NCL: variants seen among roughly 807,000 people sequenced by gnomAD.
NCL encodes nucleolin multifunctional protein.
In NCL, 4 loss-of-function variants were observed where a neutral mutation model predicts 77.7. That is an observed-to-expected ratio of 0.05 (90% CI 0.03 to 0.12). NCL has a LOEUF of 0.12. NCL is among the 10% of genes least tolerant of loss of function. The pLI is 1.00. For synonymous variants in NCL, 344 were observed against 297.8 expected (o/e 1.16, Z -1.60); for missense variants, 763 against 860.9 (o/e 0.89, Z 1.42).
At chr2:231,458,866 C>T in intron 7 of NCL, 135 bp downstream of exon 7, 2 of 970,570 alleles carry the variant, frequency 2.1e-6, no homozygotes. Flanking sequence ...CATTTAATTC[C>T]CACATTAAGA....
At position 231,460,518 on chromosome 2, in the gene NCL, T is replaced by C; in HGVS notation, c.858A>G (p.Lys286=). 3.7e-6 allele frequency: 6 copies of C among 1,614,240 alleles called. No individual in the cohort carries two copies. Among genetic ancestry groups the C allele is most frequent in the Non-Finnish European group, 5.1e-6 (6 of 1,180,044 alleles). Residue 286 remains lysine, a synonymous_variant, in exon 5 of 14, where the codon AAA becomes AAG. Transcript: ENST00000322723. ...APGKRKKEMA[K]QKAAPEAKKQ... ...TCTTGGCTTCAGGAGCTGCTTTCTG[T>C]TTGGCCATTTCCTTCTTTCGTTTTC... is the stretch of plus-strand genomic sequence containing the variant.
rs762682251 is a variant in NCL, at chr2:231,460,709, ATCATCATCT to A, written c.762_770del (p.Glu254_Asp256del). 17 of 1,608,046 alleles carry A rather than the reference ATCATCATCT, an allele frequency of 1.1e-5. No individual in the cohort carries two copies. The highest frequency in any genetic ancestry group is 4.5e-5 in the East Asian group (2 of 44,852). Reference sequence around the variant, plus strand: ...CTTCCTCCTCCTCATCATCTTCATCATCATCATCTTCATCATCTTCGTCGTCGTCGTCAT... The same window carrying A: ...CTTCCTCCTCCTCATCATCTTCATCATCATCATCTTCGTCGTCGTCGTCAT... On this transcript the variant is annotated inframe_deletion, in exon 4 of 14. Coordinates refer to ENST00000322723, the MANE Select transcript of NCL (RefSeq NM_005381.3).
chr2:231,460,385 T>C, intron 5 of NCL, 92 bp from the exon 6 acceptor site: 2 of 1,592,258 alleles, frequency 1.3e-6, no homozygotes, highest in Middle Eastern at 1.7e-4. Flanking sequence ...ATCAGCACAC[T>C]ACAATGTAAC....
rs1219765152 is a variant in NCL at position 231,457,223 on chromosome 2, G to A, written c.1448-99C>T. On this transcript the variant is annotated intron_variant, in intron 9 of 13. Transcript: ENST00000322723. The stretch of plus-strand genomic sequence containing the variant: ...TATTCCTAAGAATTTCAGTGCTTGA[G>A]TTAATATACAAATACTCATGACGTA... The A allele has an allele frequency of 4.0e-6, 6 of 1,503,172 alleles. No individual in the cohort carries two copies. In the African/African-American group the frequency reaches 4.1e-5, roughly 10 times the overall value. The allele number at this position is 1,503,172 out of a possible 1,614,324, so 93.1% of individuals were successfully genotyped here.
rs543681893 is a variant in NCL at position 231,462,249 on chromosome 2, T to C, written c.136-232A>G. ...TCTTTTGAACACTTAAAAATACCTC[T>C]GAACCAGACCCTCTGAATTCTTACA... On this transcript the variant is annotated intron_variant, in intron 2 of 13. Coordinates refer to ENST00000322723, the MANE Select transcript of NCL (RefSeq NM_005381.3). Among the ~76,000 whole-genome samples, 3 of 152,358 alleles carry C rather than the reference T, an allele frequency of 2.0e-5. No individual in the cohort carries two copies. In the South Asian group the frequency reaches 6.2e-4, roughly 32 times the overall value.
At chr2:231,463,970 C>T (rs10202701) in intron 1 of NCL, 185,276 of 372,888 alleles carry the variant, frequency 0.5, 47,647 homozygotes, top group Non-Finnish European at 0.54. Flanking sequence ...TTCCAGGACC[C>T]ACGCGGCGCG....
chr2:231,460,958 A>G (rs1276488356), intron 3 of NCL, 92 bp from the exon 4 acceptor site: 1 of 1,050,482 alleles, frequency 9.5e-7, no homozygotes, highest in Non-Finnish European at 1.5e-6. Flanking sequence ...TCCTGTCACC[A>G]TGTTTAGTTA....
rs1181923823 is a variant in NCL at position 231,455,531 on chromosome 2, C to T, written c.1926G>A (p.Leu642=). ...CTTCACCCTTAGGTTTGGCCCAGTCCAAGGTAACTTTATTTCCATCAATTT... is the reference window on the plus strand; with the variant it reads ...CTTCACCCTTAGGTTTGGCCCAGTCTAAGGTAACTTTATTTCCATCAATTT... The part of the protein sequence containing the change: ...DGEIDGNKVT[L]DWAKPKGEGG... The change falls in exon 13 of 14, where the codon TTG becomes TTA. Residue 642 remains leucine (L), a synonymous_variant. Transcript: ENST00000322723. The T allele has an allele frequency of 1.2e-6, 2 of 1,614,098 alleles. No homozygotes were observed. The highest frequency in any genetic ancestry group is 1.7e-6 in the Non-Finnish European group (2 of 1,180,054).
intron 10 of NCL, 38 bp downstream of exon 10, chr2:231,456,963 T>G: frequency 6.2e-7 from 1 of 1,608,964 alleles, no homozygotes. Context: ...CTAAGACATA[T>G]ATAGCCTATA....
chr2:231,463,166 T>C (rs2046968174), intron 2 of NCL, 34 bp downstream of exon 2: 1 of 1,453,850 alleles, frequency 6.9e-7, no homozygotes, highest in Admixed American at 2.1e-5. Flanking sequence ...TTTGTAGTTT[T>C]AACATAATTC....
rs553692758 is a variant in NCL at position 231,453,773 on chromosome 2, G to A, written c.*1418C>T. Reference sequence around the variant, plus strand: ...TAGGTGATAAGCCCAAGGATGTTAAGATTTCAACAGCCCAACTGAACCAGA... The same window carrying A: ...TAGGTGATAAGCCCAAGGATGTTAAAATTTCAACAGCCCAACTGAACCAGA... On this transcript the variant is annotated 3_prime_UTR_variant, in exon 14 of 14. Transcript: ENST00000322723. 2.0e-5 allele frequency: 3 copies of A among 152,464 alleles called. No homozygotes were observed. Among genetic ancestry groups the A allele is most frequent in the African/African-American group, 7.2e-5 (3 of 41,584 alleles). 9.4% of individuals were successfully genotyped at this position (152,464 alleles called of 1,614,324 possible).
chr2:231,458,239 C>T (rs1415720229), intron 8 of NCL, 27 bp downstream of exon 8: 3 of 1,593,510 alleles, frequency 1.9e-6, no homozygotes, highest in African/African-American at 1.4e-5. Flanking sequence ...TTAATAAAAC[C>T]CTTACATTTC....
intron 11 of NCL, chr2:231,456,372 A>C (rs919284533): frequency 3.4e-6 from 3 of 894,458 alleles, no homozygotes. Context: ...TGGGAGAAGC[A>C]ACCCAAGCAG....
In NCL at chr2:231,455,270, A is replaced by G. The variant is rs1320895796; in HGVS notation, c.2057-3T>C. 2.5e-6 allele frequency: 4 copies of G among 1,614,046 alleles called. No homozygotes were observed. In the Admixed American group the frequency reaches 5.0e-5, roughly 20 times the overall value. ...GCCTCCTCGGAAGCCTCCTCGCCCT[A>G]CAGGAGGAAGGCAAGACACTGTTAA... is the stretch of plus-strand genomic sequence containing the variant. On this transcript the variant is annotated splice_polypyrimidine_tract_variant and splice_region_variant and intron_variant, in intron 13 of 13. Transcript: ENST00000322723.
chr2:231,457,128 CA>C lies in NCL; in HGVS notation c.1448-5del. 4 of 1,613,608 alleles carry C rather than the reference CA, an allele frequency of 2.5e-6. No homozygotes were observed. The highest frequency in any genetic ancestry group is 3.4e-6 in the Non-Finnish European group (4 of 1,179,852). ...AAAACCAGAGTTTTTGATTCACCTG[CA>C]AATAGAGATGCCACATTCCTAAGAC... On this transcript the variant is annotated splice_polypyrimidine_tract_variant and splice_region_variant and intron_variant, in intron 9 of 13. Coordinates refer to ENST00000322723, the MANE Select transcript of NCL (RefSeq NM_005381.3).
At chr2:231,456,890 T>G (rs942342856) in intron 10 of NCL, 111 bp downstream of exon 10, 2 of 1,555,532 alleles carry the variant, frequency 1.3e-6, no homozygotes, top group Non-Finnish European at 1.7e-6. Context: ...TACACTCATT[T>G]ACGTAGCTAA....
intron 12 of NCL, 105 bp downstream of exon 12, chr2:231,455,905 C>G (rs1559539974): frequency 1.3e-6 from 2 of 1,562,836 alleles, no homozygotes; most frequent in Admixed American, 3.3e-5. Context: ...TAAACTGCCA[C>G]TGATAGACAG....
chr2:231,459,097 C>CA lies in NCL; in HGVS notation c.1068dup (p.Ala357CysfsTer2). ...TCCAACGCTTTCTCCAGGTCTTCAG[C>CA]AGATTCAAAATCCACATAACCAAAT... is the stretch of plus-strand genomic sequence containing the variant. On this transcript the variant is annotated frameshift_variant, in exon 7 of 14. Coordinates refer to ENST00000322723, the MANE Select transcript of NCL (RefSeq NM_005381.3). LOFTEE classifies it high-confidence loss of function. 1 of 1,590,026 alleles carries CA rather than the reference C, an allele frequency of 6.3e-7. No homozygotes were observed. The highest frequency in any genetic ancestry group is 8.5e-7 in the Non-Finnish European group (1 of 1,172,128).
Position 231,455,244 on chromosome 2 carries a change from TGCCTCCTCGGAA to T in NCL, c.2068_2079del (p.Phe690_Gly693del), listed in dbSNP as rs758701047. 53 of 1,614,188 alleles carry T rather than the reference TGCCTCCTCGGAA, an allele frequency of 3.3e-5. 1 individual carries two copies. Among genetic ancestry groups the T allele is most frequent in the East Asian group, 8.9e-5 (4 of 44,890 alleles). On this transcript the variant is annotated inframe_deletion, in exon 14 of 14. Coordinates refer to ENST00000322723, the MANE Select transcript of NCL (RefSeq NM_005381.3). ...GGCTTGTGGTCACCTCCTCCTCCTCTGCCTCCTCGGAAGCCTCCTCGCCCTACAGGAGGAAGG... is the reference window on the plus strand; with the variant it reads ...GGCTTGTGGTCACCTCCTCCTCCTCTGCCTCCTCGCCCTACAGGAGGAAGG...
Sources: allele counts gnomAD v4.1 joint callset (sites outside exome capture counted in the v4.1 genomes callset), GRCh38; gene constraint gnomAD v4.1.1; transcripts MANE v1.5; gene names NCBI Gene and HGNC (gene_info 2026-07-23, HGNC 2026-07-21).